Variants in LATS2 observed in about 807,000 individuals in gnomAD.
LATS2 encodes the protein large tumor suppressor kinase 2.
Under a neutral mutation model 76.0 loss-of-function variants are expected in LATS2, and 24 were observed. The ratio of observed to expected loss-of-function variants is 0.32; its 90% CI spans 0.23 to 0.44. The LOEUF (loss-of-function observed/expected upper bound fraction) is 0.44, where lower values mean the gene tolerates loss of function less well. Ranked by LOEUF, LATS2 falls within the 20% of genes least tolerant of loss-of-function variation. The pLI is 1.00. For synonymous variants in LATS2, 692 were observed against 635.4 expected (o/e 1.09, Z -1.34); for missense variants, 1,286 against 1,481.2 (o/e 0.87, Z 2.16).
At chr13:21,043,552 T>C (rs754533161) in intron 2 of LATS2, among the ~76,000 whole-genome samples, 2 of 152,194 alleles carry the variant, frequency 1.3e-5, no homozygotes, top group African/African-American at 2.4e-5. Flanking sequence ...TTTTAAGTTA[T>C]AAAGTAACAC....
intron 2 of LATS2, among the ~76,000 whole-genome samples, chr13:21,042,784 T>G (rs1399513633): frequency 6.8e-6 from 1 of 147,576 alleles, no homozygotes; most frequent in Non-Finnish European, 1.5e-5. Context: ...GTCAGGAGAT[T>G]GAGTCCATCC....
At position 20,988,339 on chromosome 13, in the gene LATS2, C is replaced by CG; in HGVS notation, c.1440_1441insC (p.Ala481ArgfsTer90). On this transcript the variant is annotated frameshift_variant, in exon 4 of 8. Coordinates refer to ENST00000382592, the MANE Select transcript of LATS2 (RefSeq NM_014572.3). LOFTEE classifies it high-confidence loss of function. ...TCCTCCTTGGCGTCCAAGCCCTCCG[C>CG]AGCCGGGGCGGGGGCGGGGGCGGGG... 1.0e-6 allele frequency: 1 copy of CG among 978,732 alleles called. No individual in the cohort carries two copies. Among genetic ancestry groups the CG allele is most frequent in the Non-Finnish European group, 1.4e-6 (1 of 714,266 alleles). The allele number at this position is 978,732 out of a possible 1,614,324, so 60.6% of individuals were successfully genotyped here.
chr13:21,004,378 G>A (rs1464773847), intron 2 of LATS2, among the ~76,000 whole-genome samples: 1 of 149,836 alleles, frequency 6.7e-6, no homozygotes, highest in Non-Finnish European at 1.5e-5. Flanking sequence ...AGGTTGCAGT[G>A]AGCTGAGATT....
chr13:21,018,211 T>C lies in LATS2; in HGVS notation c.343-26807A>G, dbSNP rs148673026. 12 of 152,274 alleles carry C rather than the reference T, an allele frequency of 7.9e-5. No individual in the cohort carries two copies. The East Asian group carries it at 1.2e-3, about 15-fold the overall frequency. The allele number at this position is 152,274 out of a possible 1,614,324, so 9.4% of individuals were successfully genotyped here. A position where few individuals can be genotyped will look rare whatever the true frequency, so the allele number is the denominator to read the frequency against. ...AGGTGTAAAATACTTAGAATTCACT[T>C]AGAAAGTAAACACTTAATTAAAAAA... On this transcript the variant is annotated intron_variant, in intron 2 of 7. Transcript: ENST00000382592.
chr13:21,012,751 T>C (rs993052136), intron 2 of LATS2, among the ~76,000 whole-genome samples: 4 of 151,554 alleles, frequency 2.6e-5, no homozygotes, highest in African/African-American at 9.7e-5. Flanking sequence ...GGGCGGGAGC[T>C]GTGCGAGAAG....
intron 2 of LATS2, among the ~76,000 whole-genome samples, chr13:21,037,061 A>G (rs539454289): frequency 8.5e-5 from 13 of 152,360 alleles, no homozygotes; most frequent in Middle Eastern, 3.4e-3. Flanking sequence ...TCTTTACAAT[A>G]AATTATGGGA....
At chr13:21,013,129 C>A (rs1248969853) in intron 2 of LATS2, among the ~76,000 whole-genome samples, 2 of 152,120 alleles carry the variant, frequency 1.3e-5, no homozygotes. Context: ...CATGGGCATG[C>A]CACCCTGGTG....
intron 2 of LATS2, among the ~76,000 whole-genome samples, chr13:20,993,925 C>T (rs1870625559): frequency 6.6e-6 from 1 of 152,214 alleles, no homozygotes; most frequent in South Asian, 2.1e-4. Flanking sequence ...GCCTTTCCAT[C>T]AGCACTAACC....
chr13:21,058,080 G>A (rs1211933678), intron 1 of LATS2, among the ~76,000 whole-genome samples: 1 of 152,218 alleles, frequency 6.6e-6, no homozygotes, highest in Non-Finnish European at 1.5e-5. Flanking sequence ...AAGATTCAGA[G>A]AATGTTTAGA....
Position 20,983,261 on chromosome 13 carries a change from C to T in LATS2, c.2445G>A (p.Gly815=). 2 of 1,613,800 alleles carry T rather than the reference C, an allele frequency of 1.2e-6. No homozygotes were observed. Among genetic ancestry groups the T allele is most frequent in the Non-Finnish European group, 1.7e-6 (2 of 1,179,866 alleles). Residue 815 remains glycine, a synonymous_variant, in exon 5 of 8, where the codon GGG becomes GGA. Transcript: ENST00000382592. The stretch of plus-strand genomic sequence containing the variant: ...ATTTGGAATTGTGAGTCCACCTGAA[C>T]CCAGTGCAGAGGCCGAAATCTGTGA... ...IKLTDFGLCT[G]FRWTHNSKYY...
intron 2 of LATS2, among the ~76,000 whole-genome samples, chr13:20,995,525 A>G (rs1215655450): frequency 6.6e-6 from 1 of 152,206 alleles, no homozygotes; most frequent in South Asian, 2.1e-4. Context: ...AGAGATCAGC[A>G]GATATCTGTT....
intron 1 of LATS2, among the ~76,000 whole-genome samples, chr13:21,046,956 A>AC (rs1433633119): frequency 1.1e-4 from 17 of 152,308 alleles, no homozygotes; most frequent in African/African-American, 3.1e-4. Flanking sequence ...GGGACTGGTA[A>AC]CAGCATGTAG....
chr13:21,021,474 CAAA>C (rs58976562), intron 2 of LATS2, among the ~76,000 whole-genome samples: 30 of 48,350 alleles, frequency 6.2e-4, no homozygotes, highest in African/African-American at 2.0e-3. Flanking sequence ...GACTCTGTCT[CAAA>C]AAAAAAAAAA....
chr13:20,987,815 C>A, intron 4 of LATS2, 66 bp downstream of exon 4: 2 of 1,540,554 alleles, frequency 1.3e-6, no homozygotes, highest in Non-Finnish European at 1.8e-6. Flanking sequence ...AGGGATTGTG[C>A]GTGCTTCCTA....
At chr13:21,031,712 G>A (rs1001300730) in intron 2 of LATS2, among the ~76,000 whole-genome samples, 3 of 152,050 alleles carry the variant, frequency 2.0e-5, no homozygotes, top group African/African-American at 7.2e-5. Context: ...GTTAAAAAGT[G>A]AGCTGAGCGT....
chr13:21,005,965 T>C (rs1257304737), intron 2 of LATS2, among the ~76,000 whole-genome samples: 2 of 151,756 alleles, frequency 1.3e-5, no homozygotes, highest in Non-Finnish European at 2.9e-5. Flanking sequence ...AATACAAAAT[T>C]AGCCGGGAGT....
chr13:21,055,145 T>C (rs564270660), intron 1 of LATS2, among the ~76,000 whole-genome samples: 1 of 152,356 alleles, frequency 6.6e-6, no homozygotes, highest in Non-Finnish European at 1.5e-5. Flanking sequence ...GGCCAAATTA[T>C]GAACTTTTGA....
At chr13:21,036,206 A>AT (rs1260030480) in intron 2 of LATS2, among the ~76,000 whole-genome samples, 4 of 151,230 alleles carry the variant, frequency 2.6e-5, no homozygotes, top group Non-Finnish European at 5.9e-5. Context: ...TAATTTTTGT[A>AT]TTTTTAGTAG....
chr13:21,022,203 CGTAA>C (rs375424765), intron 2 of LATS2, among the ~76,000 whole-genome samples: 164 of 152,112 alleles, frequency 1.1e-3, no homozygotes, highest in African/African-American at 2.9e-3. Flanking sequence ...TGTGCAACTA[CGTAA>C]GTGTGTGAAT....
Sources: gnomAD v4.1 joint callset for allele counts (sites outside exome capture counted in the v4.1 genomes callset) on GRCh38, gnomAD v4.1.1 for gene constraint, MANE v1.5 for transcripts, NCBI Gene and HGNC (gene_info 2026-07-23, HGNC 2026-07-21) for gene names.